IL31RA: variants seen among roughly 807,000 people sequenced by gnomAD.
IL31RA encodes interleukin-31 receptor subunit alpha.
A neutral mutation model predicts 83.7 loss-of-function variants in IL31RA; 66 were observed. That is an observed-to-expected ratio of 0.79 (90% CI 0.65 to 0.97). The LOEUF (loss-of-function observed/expected upper bound fraction) is 0.97, where lower values mean the gene tolerates loss of function less well. Ranked by LOEUF, IL31RA falls within the 50% of genes least tolerant of loss-of-function variation. The pLI, the probability that IL31RA is intolerant of heterozygous loss-of-function variation, is 0.00. For synonymous variants in IL31RA, 325 were observed against 329.0 expected (o/e 0.99, Z 0.13); for missense variants, 798 against 919.4 (o/e 0.87, Z 1.71).
At chr5:55,847,252 T>TA (rs1215493786), upstream of IL31RA, among the ~76,000 whole-genome samples, 2 of 77,274 alleles carry the variant, frequency 2.6e-5, no homozygotes, top group African/African-American at 8.1e-5. Context: ...TAAAAATAAA[T>TA]AAATAAATAA....
At chr5:55,841,292 A>T in the IL31RA span, among the ~76,000 whole-genome samples, 1 of 152,090 alleles carries the variant, frequency 6.6e-6, no homozygotes, top group Non-Finnish European at 1.5e-5. Context: ...ATCAATTTAC[A>T]CTTTGAATTT....
intron 7 of IL31RA, among the ~76,000 whole-genome samples, chr5:55,899,377 G>C (rs1221827652): frequency 6.6e-6 from 1 of 152,216 alleles, no homozygotes; most frequent in Non-Finnish European, 1.5e-5. Context: ...TAAACTTCTC[G>C]CCAAGGGTTT....
chr5:55,906,366 T>C (rs570375848), intron 9 of IL31RA, 78 bp downstream of exon 9: 1 of 1,398,246 alleles, frequency 7.2e-7, no homozygotes, highest in African/African-American at 1.4e-5. Context: ...TCTTTAACTT[T>C]GGCTTCAAAG....
At chr5:55,848,506 G>T (rs1207652290), upstream of IL31RA, among the ~76,000 whole-genome samples, 1 of 151,932 alleles carries the variant, frequency 6.6e-6, no homozygotes, top group Non-Finnish European at 1.5e-5. Context: ...GATACTCCAG[G>T]CACATTTTGT....
intron 1 of IL31RA, chr5:55,853,635 C>A: frequency 6.6e-7 from 1 of 1,512,020 alleles, no homozygotes; most frequent in South Asian, 1.2e-5. Flanking sequence ...AAGTCTTTTT[C>A]TGTTTTCTTC....
Position 55,886,268 on chromosome 5 carries a change from C to CTTTTT in IL31RA, c.606+3092_606+3096dup, listed in dbSNP as rs35481013. On this transcript the variant is annotated intron_variant, in intron 5 of 14. Transcript: ENST00000652347. ...GCTAGCTTGCTTGCTTGCTTGCTTG[C>CTTTTT]TTTTTTTTTTTTTTTTTTTTTTTGA... Among the ~76,000 whole-genome samples, 13 of 71,500 alleles carry CTTTTT rather than the reference C, an allele frequency of 1.8e-4. 1 individual carries two copies. The highest frequency in any genetic ancestry group is 2.7e-4 in the Non-Finnish European group (11 of 41,096). 46.9% of individuals were successfully genotyped at this position (71,500 alleles called of 152,430 possible). A position where few individuals can be genotyped will look rare whatever the true frequency, so the allele number is the denominator to read the frequency against.
chr5:55,888,038 AG>A (rs1241568598), intron 5 of IL31RA, among the ~76,000 whole-genome samples: 1 of 148,260 alleles, frequency 6.7e-6, no homozygotes, highest in African/African-American at 2.6e-5. Context: ...CAACAGAGTC[AG>A]GGAAAAAAAA....
chr5:55,867,452 AAATGAAATCATCAAAATATT>A (rs539653253), intron 2 of IL31RA, among the ~76,000 whole-genome samples: 532 of 152,290 alleles, frequency 3.5e-3, no homozygotes, highest in Middle Eastern at 6.8e-3. Context: ...AAATATACTG[AAATGAAATCATCAAAATATT>A]AATGAAATCA....
At chr5:55,915,765 G>A (rs1221700376) in intron 14 of IL31RA, among the ~76,000 whole-genome samples, 1 of 152,166 alleles carries the variant, frequency 6.6e-6, no homozygotes, top group Non-Finnish European at 1.5e-5. Flanking sequence ...ATGTCATTTA[G>A]AGAGTAAATG....
At chr5:55,914,441 G>C (rs1226736223) in intron 13 of IL31RA, among the ~76,000 whole-genome samples, 2 of 152,162 alleles carry the variant, frequency 1.3e-5, no homozygotes, top group Non-Finnish European at 2.9e-5. Context: ...CAATGCTGCT[G>C]GTTGGGACCA....
chr5:55,907,322 C>T, intron 9 of IL31RA, 37 bp from the exon 10 acceptor site: 1 of 1,298,122 alleles, frequency 7.7e-7, no homozygotes, highest in Non-Finnish European at 1.1e-6. Context: ...CTCTGCCGTG[C>T]TCTGCACTTA....
At chr5:55,845,018 C>T in the IL31RA span, among the ~76,000 whole-genome samples, 1 of 152,164 alleles carries the variant, frequency 6.6e-6, no homozygotes, top group Admixed American at 6.6e-5. Flanking sequence ...TGCAAATTGT[C>T]TACTTTTTCC....
chr5:55,875,627 A>G (rs1375159625), intron 4 of IL31RA, among the ~76,000 whole-genome samples: 1 of 152,170 alleles, frequency 6.6e-6, no homozygotes, highest in Admixed American at 6.5e-5. Flanking sequence ...AAGATTATTC[A>G]CTTTTTCTCA....
intron 2 of IL31RA, among the ~76,000 whole-genome samples, chr5:55,863,046 A>G (rs1745786960): frequency 6.6e-6 from 1 of 152,246 alleles, no homozygotes; most frequent in Admixed American, 6.5e-5. Flanking sequence ...CAGTTCTAGT[A>G]CATACAGCCA....
intron 5 of IL31RA, among the ~76,000 whole-genome samples, chr5:55,887,860 G>A (rs1258469202): frequency 2.6e-5 from 4 of 151,778 alleles, no homozygotes; most frequent in East Asian, 3.9e-4. Context: ...TCCAGCCTGG[G>A]TGACAGAGCA....
rs1170205664 is a variant in IL31RA, at chr5:55,917,574, G to C, written c.*454G>C. Among the ~76,000 whole-genome samples the C allele has an allele frequency of 6.6e-6, 1 of 152,114 alleles. No individual in the cohort carries two copies. The highest frequency in any genetic ancestry group is 2.4e-5 in the African/African-American group (1 of 41,414). On this transcript the variant is annotated 3_prime_UTR_variant, in exon 15 of 15. Coordinates refer to ENST00000652347, the MANE Select transcript of IL31RA (RefSeq NM_139017.7). ...TTGTTGGCTCTTGGGTGGTCTGGTG[G>C]GAGCCTGGGCTCTGGTCTTCCCCTA...
chr5:55,913,875 A>C (rs1281605187), intron 13 of IL31RA, among the ~76,000 whole-genome samples: 1 of 152,164 alleles, frequency 6.6e-6, no homozygotes, highest in East Asian at 1.9e-4. Context: ...CTGGAGTTGG[A>C]GAGCAGACCC....
In IL31RA at chr5:55,851,395, A is replaced by C; in HGVS notation, c.-176A>C. On this transcript the variant is annotated 5_prime_UTR_variant, in exon 1 of 15. Coordinates refer to ENST00000652347, the MANE Select transcript of IL31RA (RefSeq NM_139017.7). ...GCTTAGGAACACCAGACAGCACTCC[A>C]GCACTCTGCTTGGGGGGCATTCGAA... The C allele has an allele frequency of 9.2e-7, 1 of 1,081,478 alleles. No individual in the cohort carries two copies. 67.0% of individuals were successfully genotyped at this position (1,081,478 alleles called of 1,614,324 possible). A position where few individuals can be genotyped will look rare whatever the true frequency, so the allele number is the denominator to read the frequency against.
intron 12 of IL31RA, among the ~76,000 whole-genome samples, chr5:55,913,245 C>G (rs1387373668): frequency 1.3e-5 from 2 of 152,078 alleles, no homozygotes; most frequent in East Asian, 3.9e-4. Flanking sequence ...TGCACACTAT[C>G]ACACCCGGCT....
Sources: gnomAD v4.1 joint callset for allele counts (sites outside exome capture counted in the v4.1 genomes callset) on GRCh38, gnomAD v4.1.1 for gene constraint, MANE v1.5 for transcripts, NCBI Gene and HGNC (gene_info 2026-07-23, HGNC 2026-07-21) for gene names.